KIAA1958: variants seen among roughly 807,000 people sequenced by gnomAD.
The protein encoded by KIAA1958 is uncharacterized protein KIAA1958.
Under a neutral mutation model 47.2 loss-of-function variants are expected in KIAA1958, and 14 were observed. That is an observed-to-expected ratio of 0.30 (90% CI 0.20 to 0.46). KIAA1958 has a LOEUF of 0.46. Ranked by LOEUF, KIAA1958 falls within the 20% of genes least tolerant of loss-of-function variation. The probability of loss-of-function intolerance (pLI) is 1.00; values close to 1 mark genes in which losing one functional copy is unlikely to be tolerated. For missense variants in KIAA1958, 803 were observed against 909.2 expected (o/e 0.88, Z 1.50); for synonymous variants, 354 against 353.3 (o/e 1.00, Z -0.02).
At chr9:112,639,581 C>T (rs1043975760) in intron 2 of KIAA1958, among the ~76,000 whole-genome samples, 2 of 152,166 alleles carry the variant, frequency 1.3e-5, no homozygotes, top group Admixed American at 6.6e-5. Context: ...TGCATGGATG[C>T]CCTTCTTAAC....
At chr9:112,630,470 ACTTT>A (rs1836691024) in intron 2 of KIAA1958, among the ~76,000 whole-genome samples, 2 of 152,288 alleles carry the variant, frequency 1.3e-5, no homozygotes, top group East Asian at 1.9e-4. Flanking sequence ...ACAAAGGGAG[ACTTT>A]CTATTTTAAA....
At chr9:112,525,201 A>C (rs1834619955) in intron 1 of KIAA1958, among the ~76,000 whole-genome samples, 1 of 152,138 alleles carries the variant, frequency 6.6e-6, no homozygotes, top group African/African-American at 2.4e-5. Context: ...TTGACTCTTT[A>C]ATTGTTGTGT....
At chr9:112,512,766 A>G (rs955626501) in intron 1 of KIAA1958, among the ~76,000 whole-genome samples, 1 of 151,808 alleles carries the variant, frequency 6.6e-6, no homozygotes, top group Non-Finnish European at 1.5e-5. Context: ...GATGAGTGCA[A>G]TGACAGGAAA....
chr9:112,604,755 G>C (rs995210819), intron 2 of KIAA1958, among the ~76,000 whole-genome samples: 3 of 151,996 alleles, frequency 2.0e-5, no homozygotes, highest in African/African-American at 4.8e-5. Context: ...TCAAGTGAAA[G>C]CTTGGGATGT....
At chr9:112,496,168 A>G (rs748804536) in intron 1 of KIAA1958, among the ~76,000 whole-genome samples, 2 of 152,248 alleles carry the variant, frequency 1.3e-5, no homozygotes, top group Non-Finnish European at 2.9e-5. Context: ...ATACAGCAAT[A>G]TTAAACTGAC....
chr9:112,489,752 C>T (rs989905906), intron 1 of KIAA1958, among the ~76,000 whole-genome samples: 2 of 152,078 alleles, frequency 1.3e-5, no homozygotes, highest in African/African-American at 4.8e-5. Flanking sequence ...ACCACCTTCT[C>T]TTTTTAAAAC....
chr9:112,655,839 G>T (rs936808425), intron 3 of KIAA1958, among the ~76,000 whole-genome samples: 1 of 152,162 alleles, frequency 6.6e-6, no homozygotes, highest in Non-Finnish European at 1.5e-5. Flanking sequence ...CGGCCTTGAG[G>T]TAATCTCTGG....
At chr9:112,601,524 C>T (rs1310232352) in intron 2 of KIAA1958, among the ~76,000 whole-genome samples, 1 of 152,104 alleles carries the variant, frequency 6.6e-6, no homozygotes, top group Non-Finnish European at 1.5e-5. Flanking sequence ...AATGCAGACT[C>T]CTCCTTTGAC....
rs1306314242 is a variant in KIAA1958 at position 112,599,707 on chromosome 9, TAACTC to T, written c.1171+24459_1171+24463del. ...ATCCATGTGTCTTCTACAACTGCCT[TAACTC>T]AAGGAAAGTGAGAGTTAAAAAACAA... On this transcript the variant is annotated intron_variant, in intron 2 of 3. Coordinates refer to ENST00000337530, the MANE Select transcript of KIAA1958 (RefSeq NM_133465.4). 3.9e-5 allele frequency among the ~76,000 whole-genome samples: 6 copies of T among 152,330 alleles called. 1 individual carries two copies. Among genetic ancestry groups the T allele is most frequent in the African/African-American group, 2.4e-5 (1 of 41,568 alleles).
intron 1 of KIAA1958, among the ~76,000 whole-genome samples, chr9:112,549,329 T>G (rs1215662707): frequency 6.6e-6 from 1 of 152,240 alleles, no homozygotes; most frequent in African/African-American, 2.4e-5. Context: ...TTGGGTTTTA[T>G]AACTCTCCGT....
At chr9:112,594,765 C>T (rs182959652) in intron 2 of KIAA1958, among the ~76,000 whole-genome samples, 3 of 152,214 alleles carry the variant, frequency 2.0e-5, no homozygotes, top group Admixed American at 1.3e-4. Flanking sequence ...CTTGATAGGT[C>T]GTATGCTAAC....
intron 2 of KIAA1958, among the ~76,000 whole-genome samples, chr9:112,580,530 T>C (rs1835718267): frequency 6.6e-6 from 1 of 152,230 alleles, no homozygotes; most frequent in Non-Finnish European, 1.5e-5. Context: ...CTCATGCCTG[T>C]AATCCCAACA....
rs1479745839 is a variant in KIAA1958, at chr9:112,667,684, G to A, written c.*7615G>A. ...ATGCCAGGAAACAATAGAGAATTGT[G>A]AGGGGGAAAAGTTGTGACTTTGGAA... is the stretch of plus-strand genomic sequence containing the variant. On this transcript the variant is annotated 3_prime_UTR_variant, in exon 4 of 4. Transcript: ENST00000337530. 1.3e-5 allele frequency: 2 copies of A among 152,220 alleles called. No individual in the cohort carries two copies. The highest frequency in any genetic ancestry group is 2.4e-5 in the African/African-American group (1 of 41,460). The allele number at this position is 152,220 out of a possible 1,614,324, so 9.4% of individuals were successfully genotyped here.
chr9:112,619,058 A>T (rs1052559342), intron 2 of KIAA1958: 3 of 866,628 alleles, frequency 3.5e-6, no homozygotes, highest in Non-Finnish European at 4.3e-6. Context: ...TTTTCTTTTT[A>T]CAAATAAGCC....
chr9:112,512,716 C>T (rs1019841521), intron 1 of KIAA1958, among the ~76,000 whole-genome samples: 1 of 151,566 alleles, frequency 6.6e-6, no homozygotes, highest in African/African-American at 2.4e-5. Context: ...AGCTTAGAGT[C>T]TAGCAGGGGA....
In KIAA1958 at chr9:112,659,995, A is replaced by T; in HGVS notation, c.2077A>T (p.Asn693Tyr). 6.2e-7 allele frequency: 1 copy of T among 1,614,230 alleles called. No homozygotes were observed. Among genetic ancestry groups the T allele is most frequent in the Non-Finnish European group, 8.5e-7 (1 of 1,180,052 alleles). ...PNLAKKVKLE[N>Y]CENFTFVSFT... Reference sequence around the variant, plus strand: ...CTTAGCCAAGAAGGTCAAGCTGGAAAACTGTGAGAACTTCACCTTTGTCTC... The same window carrying T: ...CTTAGCCAAGAAGGTCAAGCTGGAATACTGTGAGAACTTCACCTTTGTCTC... Residue 693 changes from asparagine (N) to tyrosine (Y), a missense_variant, in exon 4 of 4, where the codon AAC (asparagine) becomes TAC (tyrosine). Coordinates refer to ENST00000337530, the MANE Select transcript of KIAA1958 (RefSeq NM_133465.4).
At chr9:112,505,460 G>A (rs1039808037) in intron 1 of KIAA1958, among the ~76,000 whole-genome samples, 2 of 152,156 alleles carry the variant, frequency 1.3e-5, no homozygotes, top group African/African-American at 4.8e-5. Flanking sequence ...TATTACTGAG[G>A]CTTAAATATC....
At chr9:112,608,997 A>G (rs983041398) in intron 2 of KIAA1958, among the ~76,000 whole-genome samples, 2 of 152,262 alleles carry the variant, frequency 1.3e-5, no homozygotes, top group Non-Finnish European at 2.9e-5. Context: ...AAAAGGAGAT[A>G]CTGAAATAGT....
intron 1 of KIAA1958, among the ~76,000 whole-genome samples, chr9:112,516,980 C>G (rs914026540): frequency 6.6e-6 from 1 of 152,166 alleles, no homozygotes; most frequent in African/African-American, 2.4e-5. Context: ...TATTTGAAAA[C>G]AATTTGAAAA....
Sources: allele counts gnomAD v4.1 joint callset (sites outside exome capture counted in the v4.1 genomes callset), GRCh38; gene constraint gnomAD v4.1.1; transcripts MANE v1.5; gene names NCBI Gene and HGNC (gene_info 2026-07-23, HGNC 2026-07-21).